Variants in SAMD4A observed in about 807,000 individuals in gnomAD.
The protein encoded by SAMD4A is sterile alpha motif domain containing 4A.
SAMD4A carries 33 observed loss-of-function variants against 81.3 expected under a neutral mutation model. That is an observed-to-expected ratio of 0.41 (90% CI 0.31 to 0.54). SAMD4A has a LOEUF of 0.54. Among genes scored for constraint, SAMD4A ranks in the 20% least tolerant of loss-of-function variants. The probability of loss-of-function intolerance (pLI) is 0.37; values close to 1 mark genes in which losing one functional copy is unlikely to be tolerated. For synonymous variants in SAMD4A, 389 were observed against 382.1 expected, an observed-to-expected ratio of 1.02 and a Z score of -0.21; for missense variants, 854 against 951.1, an observed-to-expected ratio of 0.90 and a Z score of 1.34.
rs140129413 is a variant in SAMD4A, at chr14:54,774,519, C to G, written c.1716-415C>G. 7.0e-4 allele frequency among the ~76,000 whole-genome samples: 106 copies of G among 152,148 alleles called. 1 individual carries two copies. The highest frequency in any genetic ancestry group is 2.4e-3 in the African/African-American group (100 of 41,500). On this transcript the variant is annotated intron_variant, in intron 9 of 12. Transcript: ENST00000554335. Reference sequence around the variant, plus strand: ...AGGAGTTCCAGACCAGCCTGGGCAACATGGTAGACCCTGTCTCCACCAAAA... The same window carrying G: ...AGGAGTTCCAGACCAGCCTGGGCAAGATGGTAGACCCTGTCTCCACCAAAA...
chr14:54,621,313 C>T (rs1002405208), intron 2 of SAMD4A, among the ~76,000 whole-genome samples: 1 of 152,072 alleles, frequency 6.6e-6, no homozygotes, highest in African/African-American at 2.4e-5. Flanking sequence ...GCCTGAAGAC[C>T]ACTCTCTATG....
intron 2 of SAMD4A, among the ~76,000 whole-genome samples, chr14:54,591,270 A>T (rs1594703367): frequency 6.6e-6 from 1 of 152,162 alleles, no homozygotes; most frequent in East Asian, 1.9e-4. Context: ...CTCTAGGGGT[A>T]CTTTAGAAAT....
At chr14:54,775,745 G>A (rs1379227958) in intron 10 of SAMD4A, among the ~76,000 whole-genome samples, 1 of 152,104 alleles carries the variant, frequency 6.6e-6, no homozygotes, top group East Asian at 1.9e-4. Flanking sequence ...TAGGATCAGA[G>A]GGACACAAGT....
intron 2 of SAMD4A, among the ~76,000 whole-genome samples, chr14:54,697,527 G>T (rs2036606676): frequency 6.6e-6 from 1 of 152,222 alleles, no homozygotes; most frequent in Non-Finnish European, 1.5e-5. Flanking sequence ...TGTTTTGTGA[G>T]TGGATAATCA....
chr14:54,568,413 T>A (rs1461178938), intron 2 of SAMD4A, among the ~76,000 whole-genome samples: 1 of 151,788 alleles, frequency 6.6e-6, no homozygotes, highest in Admixed American at 6.6e-5. Flanking sequence ...TCCTGGGAAA[T>A]AAGTAAGTCA....
chr14:54,626,154 G>GA (rs2140320940), intron 2 of SAMD4A, among the ~76,000 whole-genome samples: 1 of 152,036 alleles, frequency 6.6e-6, no homozygotes, highest in South Asian at 2.1e-4. Flanking sequence ...AGGAGGTCAG[G>GA]AAAAATAGTG....
At chr14:54,759,309 C>T (rs970741636) in intron 6 of SAMD4A, among the ~76,000 whole-genome samples, 17 of 152,296 alleles carry the variant, frequency 1.1e-4, no homozygotes, top group African/African-American at 3.9e-4. Flanking sequence ...AGGTGTCTGA[C>T]GGGACACCAT....
intron 6 of SAMD4A, among the ~76,000 whole-genome samples, chr14:54,755,775 A>G (rs2038223713): frequency 6.6e-6 from 1 of 152,206 alleles, no homozygotes; most frequent in Non-Finnish European, 1.5e-5. Context: ...GAAAATTAGA[A>G]TGGTCACTGG....
intron 3 of SAMD4A, 51 bp from the exon 4 acceptor site, chr14:54,736,973 C>A (rs776021001): frequency 6.3e-7 from 1 of 1,599,252 alleles, no homozygotes; most frequent in East Asian, 2.2e-5. Context: ...TCTTCGGTGT[C>A]CCAGGATAAA....
At chr14:54,774,897 G>A (rs769302963) in intron 9 of SAMD4A, 37 bp from the exon 10 acceptor site, 71 of 1,607,008 alleles carry the variant, frequency 4.4e-5, no homozygotes, top group African/African-American at 5.4e-5. Context: ...GCTGAATAAC[G>A]ACTGATATTC....
intron 4 of SAMD4A, among the ~76,000 whole-genome samples, chr14:54,740,639 C>T (rs185845710): frequency 2.0e-5 from 3 of 152,328 alleles, no homozygotes; most frequent in Admixed American, 2.0e-4. Flanking sequence ...AGGAGTGTGC[C>T]TCTTGGGTCA....
At chr14:54,729,062 G>A (rs78518350) in intron 3 of SAMD4A, among the ~76,000 whole-genome samples, 4,076 of 152,226 alleles carry the variant, frequency 0.027, 91 homozygotes, top group Middle Eastern at 0.041. Context: ...TGCTCTTCTT[G>A]ACAAGTGCTG....
intron 11 of SAMD4A, among the ~76,000 whole-genome samples, chr14:54,783,547 C>T (rs1430475741): frequency 6.6e-6 from 1 of 152,158 alleles, no homozygotes; most frequent in African/African-American, 2.4e-5. Flanking sequence ...CAGTGGGAGC[C>T]GAGCCCCTAC....
intron 4 of SAMD4A, among the ~76,000 whole-genome samples, chr14:54,747,873 A>G (rs1376716981): frequency 1.3e-5 from 2 of 152,246 alleles, no homozygotes; most frequent in African/African-American, 2.4e-5. Context: ...CAAAGATCCT[A>G]TCAGCTCACA....
At chr14:54,749,992 A>G (rs1476159500) in intron 5 of SAMD4A, among the ~76,000 whole-genome samples, 1 of 152,220 alleles carries the variant, frequency 6.6e-6, no homozygotes, top group Non-Finnish European at 1.5e-5. Flanking sequence ...GTCACTGCAC[A>G]TTCTCAGAGA....
At chr14:54,761,316 C>G (rs1038580703) in intron 7 of SAMD4A, among the ~76,000 whole-genome samples, 1 of 152,200 alleles carries the variant, frequency 6.6e-6, no homozygotes, top group African/African-American at 2.4e-5. Context: ...CCATCATGCA[C>G]GTGGTTACCA....
Position 54,789,132 on chromosome 14 carries a change from G to T in SAMD4A, c.*188G>T. 9.3e-6 allele frequency: 6 copies of T among 648,550 alleles called. No homozygotes were observed. The highest frequency in any genetic ancestry group is 1.4e-5 in the Non-Finnish European group (5 of 366,054). 40.2% of individuals were successfully genotyped at this position (648,550 alleles called of 1,614,324 possible). A position where few individuals can be genotyped will look rare whatever the true frequency, so the allele number is the denominator to read the frequency against. ...TAAACATATCAGTAGACCTGGGGTT[G>T]GTTATTTTGTCATTTGTTTCTGTCA... On this transcript the variant is annotated 3_prime_UTR_variant, in exon 13 of 13. Coordinates refer to ENST00000554335, the MANE Select transcript of SAMD4A (RefSeq NM_015589.6).
At chr14:54,647,564 T>A (rs1445540966) in intron 2 of SAMD4A, among the ~76,000 whole-genome samples, 1 of 152,258 alleles carries the variant, frequency 6.6e-6, no homozygotes, top group East Asian at 1.9e-4. Flanking sequence ...GTACATTGAC[T>A]ATATGCTCAT....
chr14:54,711,075 C>G (rs954029705), intron 3 of SAMD4A, among the ~76,000 whole-genome samples: 3 of 152,106 alleles, frequency 2.0e-5, no homozygotes, highest in Admixed American at 6.5e-5. Context: ...GTCTGCCCAC[C>G]CTGCCATAAA....
Sources: gnomAD v4.1 joint callset for allele counts (sites outside exome capture counted in the v4.1 genomes callset) on GRCh38, gnomAD v4.1.1 for gene constraint, MANE v1.5 for transcripts, NCBI Gene and HGNC (gene_info 2026-07-23, HGNC 2026-07-21) for gene names.